Variants in VIPR2 observed in about 807,000 individuals in gnomAD.
VIPR2 encodes the protein vasoactive intestinal polypeptide receptor 2.
Under a neutral mutation model 58.0 loss-of-function variants are expected in VIPR2, and 48 were observed. The observed-to-expected ratio is 0.83, with a 90% confidence interval of 0.66 to 1.05. The LOEUF (loss-of-function observed/expected upper bound fraction) is 1.05. Ranked by LOEUF, VIPR2 falls within the 50% of genes least tolerant of loss-of-function variation. The pLI is 0.00. For synonymous variants in VIPR2, 243 were observed against 235.2 expected (o/e 1.03, Z -0.30); for missense variants, 534 against 558.0 (o/e 0.96, Z 0.43).
At chr7:159,089,696 T>C (rs984409750) in intron 4 of VIPR2, among the ~76,000 whole-genome samples, 3 of 151,826 alleles carry the variant, frequency 2.0e-5, no homozygotes, top group Non-Finnish European at 4.4e-5. Flanking sequence ...TCTCCACTTG[T>C]AAAACAACAA....
At chr7:159,068,210 C>T (rs1015492483) in intron 4 of VIPR2, among the ~76,000 whole-genome samples, 30 of 152,290 alleles carry the variant, frequency 2.0e-4, no homozygotes, top group African/African-American at 6.0e-4. Context: ...AGCAGCAGGT[C>T]CTCACTTCCG....
chr7:159,094,061 C>A (rs1433550768), intron 4 of VIPR2, among the ~76,000 whole-genome samples: 2 of 152,188 alleles, frequency 1.3e-5, no homozygotes, highest in South Asian at 2.1e-4. Context: ...ATTTCCAAAT[C>A]ATTTAAGAGG....
intron 9 of VIPR2, 75 bp from the exon 10 acceptor site, chr7:159,034,379 C>T: frequency 2.7e-6 from 4 of 1,474,408 alleles, no homozygotes; most frequent in Non-Finnish European, 2.8e-6. Context: ...CTGATTTCGA[C>T]CCTCCCCTCC....
chr7:159,144,788 C>G lies in VIPR2; in HGVS notation c.-17G>C. The G allele has an allele frequency of 1.6e-6, 2 of 1,244,384 alleles. No homozygotes were observed. The highest frequency in any genetic ancestry group is 2.0e-6 in the Non-Finnish European group (2 of 995,670). 77.1% of individuals were successfully genotyped at this position (1,244,384 alleles called of 1,614,324 possible). On this transcript the variant is annotated 5_prime_UTR_variant, in exon 1 of 13. Coordinates refer to ENST00000262178, the MANE Select transcript of VIPR2 (RefSeq NM_003382.5). ...CGTCCGCATCCCGAGCTCAGCGTGC[C>G]GGGGGCCGCCCAGCGCCCGCCGCCT...
intron 4 of VIPR2, among the ~76,000 whole-genome samples, chr7:159,073,103 A>AT (rs1327738805): frequency 3.3e-5 from 5 of 152,258 alleles, no homozygotes; most frequent in African/African-American, 1.2e-4. Flanking sequence ...GTTCCAGAAC[A>AT]TAGTAACAAA....
intron 5 of VIPR2, among the ~76,000 whole-genome samples, chr7:159,055,868 C>T (rs1023684259): frequency 1.3e-5 from 2 of 152,188 alleles, no homozygotes; most frequent in Admixed American, 1.3e-4. Context: ...TTCACTTCCA[C>T]GTATGGATCT....
chr7:159,144,345 C>T (rs1365842262), intron 1 of VIPR2: 1 of 1,536,376 alleles, frequency 6.5e-7, no homozygotes, highest in Non-Finnish European at 8.8e-7. Context: ...CAACGCCAAC[C>T]CCGATCTCCC....
At chr7:159,039,196 C>T (rs1175941922) in intron 6 of VIPR2, among the ~76,000 whole-genome samples, 2 of 152,236 alleles carry the variant, frequency 1.3e-5, no homozygotes, top group African/African-American at 2.4e-5. Flanking sequence ...CAGTGGCTCA[C>T]ACCTGTAATC....
chr7:159,116,559 A>C (rs1336510651), intron 2 of VIPR2, among the ~76,000 whole-genome samples: 2 of 152,200 alleles, frequency 1.3e-5, no homozygotes, highest in African/African-American at 4.8e-5. Context: ...TTTTTGCTTG[A>C]AAATCAGCTT....
At chr7:159,080,121 G>T (rs531535415) in intron 4 of VIPR2, among the ~76,000 whole-genome samples, 2 of 152,136 alleles carry the variant, frequency 1.3e-5, no homozygotes, top group Admixed American at 6.5e-5. Context: ...ATTTTATGAG[G>T]CCAGCATCAT....
rs577718088 is a variant in VIPR2, at chr7:159,130,018, C to A, written c.151+12428G>T. On this transcript the variant is annotated intron_variant, in intron 2 of 12. Coordinates refer to ENST00000262178, the MANE Select transcript of VIPR2 (RefSeq NM_003382.5). ...TCACACTCTGTTCCCTCAAACTGGC[C>A]TCTGGGGGGGACAGGGCCAGGTGAC... 1.5e-4 allele frequency among the ~76,000 whole-genome samples: 22 copies of A among 150,066 alleles called. No individual in the cohort carries two copies. The South Asian group carries it at 2.1e-3, about 14-fold the overall frequency.
At position 159,044,462 on chromosome 7, in the gene VIPR2, G is replaced by A. The variant is rs1016719828; in HGVS notation, c.456-1286C>T. Among the ~76,000 whole-genome samples, 3 of 151,656 alleles carry A rather than the reference G, an allele frequency of 2.0e-5. No individual in the cohort carries two copies. In the East Asian group the frequency reaches 5.8e-4, roughly 29 times the overall value. On this transcript the variant is annotated intron_variant, in intron 5 of 12. Transcript: ENST00000262178. ...AATAAGAAAATATGGCCCATTTACA[G>A]GAAAAATAAAATGAATCAACAAAAA...
intron 4 of VIPR2, among the ~76,000 whole-genome samples, chr7:159,068,658 C>A (rs756026628): frequency 6.6e-6 from 1 of 152,204 alleles, no homozygotes; most frequent in African/African-American, 2.4e-5. Context: ...GCTGCTGTGA[C>A]GTTTGTTGTA....
intron 2 of VIPR2, among the ~76,000 whole-genome samples, chr7:159,139,497 G>A (rs979648387): frequency 5.3e-5 from 8 of 152,236 alleles, no homozygotes; most frequent in Non-Finnish European, 1.0e-4. Flanking sequence ...GGCAGGCGAC[G>A]TTGTTAGCCT....
intron 4 of VIPR2, among the ~76,000 whole-genome samples, chr7:159,083,763 G>A (rs918339325): frequency 6.6e-6 from 1 of 152,254 alleles, no homozygotes; most frequent in Admixed American, 6.5e-5. Context: ...ATTTGGAAGA[G>A]AACCTGTGGT....
chr7:159,066,489 G>A (rs1856102835), intron 4 of VIPR2, among the ~76,000 whole-genome samples: 1 of 152,242 alleles, frequency 6.6e-6, no homozygotes, highest in Non-Finnish European at 1.5e-5. Flanking sequence ...GGGATTCCAG[G>A]ATGCCTGCTC....
intron 5 of VIPR2, among the ~76,000 whole-genome samples, chr7:159,052,173 G>C (rs143075123): frequency 6.6e-6 from 1 of 152,092 alleles, no homozygotes; most frequent in Non-Finnish European, 1.5e-5. Flanking sequence ...GATAAAATTG[G>C]TAACACTTTA....
In VIPR2 at chr7:159,096,732, G is replaced by A. The variant is rs1857870450; in HGVS notation, c.357+7025C>T. 2.2e-6 allele frequency: 3 copies of A among 1,387,404 alleles called. No individual in the cohort carries two copies. The highest frequency in any genetic ancestry group is 1.9e-6 in the Non-Finnish European group (2 of 1,065,558). 85.9% of individuals were successfully genotyped at this position (1,387,404 alleles called of 1,614,324 possible). A position where few individuals can be genotyped will look rare whatever the true frequency, so the allele number is the denominator to read the frequency against. ...ATAATCCTGTCTGGTTGTGCCAGGT[G>A]ACAGCTGAATGATTTCTGCCTGTGG... On this transcript the variant is annotated intron_variant, in intron 4 of 12. Transcript: ENST00000262178. This position sits in a 1 kb window ranked among gnomAD's most constrained non-coding sequence, Gnocchi z 5.5.
intron 2 of VIPR2, among the ~76,000 whole-genome samples, chr7:159,135,733 G>A (rs1333012064): frequency 1.1e-4 from 17 of 152,318 alleles, no homozygotes; most frequent in South Asian, 2.1e-4. Context: ...TGAGGCAAGA[G>A]AACTGCTTGA....
Sources: allele counts gnomAD v4.1 joint callset (sites outside exome capture counted in the v4.1 genomes callset), GRCh38; gene constraint gnomAD v4.1.1; non-coding constraint Gnocchi (gnomAD v3.1); transcripts MANE v1.5; gene names NCBI Gene and HGNC (gene_info 2026-07-23, HGNC 2026-07-21).